Variants in HERC3 observed in about 807,000 individuals in gnomAD.
HERC3 encodes the protein HECT and RLD domain containing E3 ubiquitin protein ligase 3.
A neutral mutation model predicts 129.9 loss-of-function variants in HERC3; 58 were observed. The observed-to-expected ratio is 0.45, with a 90% CI of 0.36 to 0.56. HERC3 has a LOEUF of 0.56. HERC3 is among the 20% of genes least tolerant of loss of function. HERC3 has a pLI of 0.00. For synonymous variants in HERC3, 430 were observed against 451.0 expected (o/e 0.95, Z 0.59); for missense variants, 835 against 1,244.2 (o/e 0.67, Z 4.95).
the HERC3 span, chr4:88,583,963 C>T: frequency 6.6e-6 from 1 of 152,244 alleles, no homozygotes; most frequent in African/African-American, 2.4e-5. Flanking sequence ...AGCTACACTA[C>T]ATTGAATCCT....
chr4:88,617,282 A>T (rs1725013635), intron 3 of HERC3, among the ~76,000 whole-genome samples: 2 of 151,254 alleles, frequency 1.3e-5, no homozygotes, highest in Non-Finnish European at 1.5e-5. Context: ...TGGTACTGCT[A>T]GGAAGAGGGT....
chr4:88,654,569 T>C (rs1042538672), intron 7 of HERC3, among the ~76,000 whole-genome samples: 3 of 149,100 alleles, frequency 2.0e-5, no homozygotes, highest in South Asian at 2.1e-4. Flanking sequence ...ATATATAATA[T>C]ATATAAAATG....
chr4:88,667,405 A>C lies in HERC3; in HGVS notation c.1360A>C (p.Lys454Gln). ...KIDEHFKTSP[K>Q]IPGIDLNSTR... ...TGATGAACATTTTAAAACGAGTCCC[A>C]AAATCCCTGGGATTGACCTGAACTC... Residue 454 changes from lysine to glutamine, a missense_variant, in exon 13 of 26, where the codon AAA becomes CAA. Coordinates refer to ENST00000402738, the MANE Select transcript of HERC3 (RefSeq NM_014606.3). 1 of 1,603,660 alleles carries C rather than the reference A, an allele frequency of 6.2e-7. No homozygotes were observed. The highest frequency in any genetic ancestry group is 8.5e-7 in the Non-Finnish European group (1 of 1,174,866).
At chr4:88,638,278 G>A (rs1303880886) in intron 3 of HERC3, among the ~76,000 whole-genome samples, 3 of 150,550 alleles carry the variant, frequency 2.0e-5, no homozygotes, top group African/African-American at 7.4e-5. Flanking sequence ...ACCTGGCAGA[G>A]ACACAACAAA....
intron 23 of HERC3, chr4:88,690,328 T>G: frequency 1.0e-6 from 1 of 985,366 alleles, no homozygotes; most frequent in South Asian, 4.7e-5. Context: ...AAAGCAGATT[T>G]GTTAGCCCAG....
chr4:88,670,099 G>A, intron 15 of HERC3, 40 bp from the exon 16 acceptor site: 1 of 1,601,378 alleles, frequency 6.2e-7, no homozygotes, highest in Non-Finnish European at 8.6e-7. Flanking sequence ...TGTTCTCTGG[G>A]AAGCCATGTT....
intron 3 of HERC3, among the ~76,000 whole-genome samples, chr4:88,632,819 A>T (rs1726921717): frequency 6.6e-6 from 1 of 152,208 alleles, no homozygotes; most frequent in Admixed American, 6.5e-5. Context: ...GCCGGAGAGG[A>T]CAAAGGATGT....
intron 21 of HERC3, among the ~76,000 whole-genome samples, chr4:88,681,841 A>G (rs1419559030): frequency 6.6e-6 from 1 of 152,298 alleles, no homozygotes; most frequent in East Asian, 1.9e-4. Flanking sequence ...GAATTATTCT[A>G]TTTTGAAATA....
At chr4:88,689,870 T>A in intron 23 of HERC3, 1 of 443,012 alleles carries the variant, frequency 2.3e-6, no homozygotes, top group Non-Finnish European at 3.0e-6. Flanking sequence ...GAGCCACCGC[T>A]CCTGGCCCAT....
At chr4:88,561,925 T>G in the HERC3 span, among the ~76,000 whole-genome samples, 15 of 152,216 alleles carry the variant, frequency 9.9e-5, no homozygotes, top group Non-Finnish European at 2.2e-4. Flanking sequence ...TTCCAAATCT[T>G]AGTTATTGTG....
intron 3 of HERC3, among the ~76,000 whole-genome samples, chr4:88,634,859 A>T (rs1727196787): frequency 6.6e-6 from 1 of 152,122 alleles, no homozygotes; most frequent in Non-Finnish European, 1.5e-5. Flanking sequence ...TGCAGGAGTG[A>T]ACCAGATGAA....
At chr4:88,524,773 T>C in the HERC3 span, 3 of 152,200 alleles carry the variant, frequency 2.0e-5, no homozygotes, top group East Asian at 1.9e-4. Context: ...AGTTTTTCCA[T>C]GTCCGAAGAC....
the HERC3 span, among the ~76,000 whole-genome samples, chr4:88,568,129 GACAA>G: frequency 6.6e-6 from 1 of 152,206 alleles, no homozygotes; most frequent in Admixed American, 6.5e-5. Flanking sequence ...ACTTTCCCCA[GACAA>G]ACAGAGTCTC....
Position 88,627,170 on chromosome 4 carries a change from G to A in HERC3, c.226+21121G>A, listed in dbSNP as rs113652828. 6.4e-3 allele frequency among the ~76,000 whole-genome samples: 971 copies of A among 152,078 alleles called. 10 individuals carry two copies. The highest frequency in any genetic ancestry group is 0.022 in the African/African-American group (931 of 41,512). On this transcript the variant is annotated intron_variant, in intron 3 of 25. Transcript: ENST00000402738. ...TTGACACATGGGTTATGAGAAGTACGTAGTTTAATATCTAAATATGTGGCA... is the reference window on the plus strand; with the variant it reads ...TTGACACATGGGTTATGAGAAGTACATAGTTTAATATCTAAATATGTGGCA...
chr4:88,578,446 GA>G, the HERC3 span, among the ~76,000 whole-genome samples: 1 of 152,044 alleles, frequency 6.6e-6, no homozygotes, highest in African/African-American at 2.4e-5. Flanking sequence ...GCTGGGTGTG[GA>G]GGGGGGCGCC....
At chr4:88,610,358 G>A (rs984115629) in intron 3 of HERC3, among the ~76,000 whole-genome samples, 1 of 151,040 alleles carries the variant, frequency 6.6e-6, no homozygotes, top group Non-Finnish European at 1.5e-5. Context: ...GAGGCTAAGG[G>A]AGGAGAATTG....
chr4:88,608,459 C>T (rs749299972), intron 3 of HERC3, among the ~76,000 whole-genome samples: 3 of 152,190 alleles, frequency 2.0e-5, no homozygotes, highest in Non-Finnish European at 4.4e-5. Context: ...ATGTACAGTG[C>T]ACTCAATACT....
chr4:88,681,415 C>G lies in HERC3; in HGVS notation c.2507+90C>G, dbSNP rs574578294. On this transcript the variant is annotated intron_variant, in intron 21 of 25. Coordinates refer to ENST00000402738, the MANE Select transcript of HERC3 (RefSeq NM_014606.3). Reference sequence around the variant, plus strand: ...GGTTGAAAATACCATCTGTACAAATCTGAGTTTATTGCATCCTGTGGTTAG... The same window carrying G: ...GGTTGAAAATACCATCTGTACAAATGTGAGTTTATTGCATCCTGTGGTTAG... 1.1e-4 allele frequency: 126 copies of G among 1,149,258 alleles called. No homozygotes were observed. In the African/African-American group the frequency reaches 1.6e-3, roughly 14 times the overall value. 71.2% of individuals were successfully genotyped at this position (1,149,258 alleles called of 1,614,324 possible).
At chr4:88,692,663 A>G (rs1734196285) in intron 23 of HERC3, among the ~76,000 whole-genome samples, 1 of 152,238 alleles carries the variant, frequency 6.6e-6, no homozygotes, top group South Asian at 2.1e-4. Flanking sequence ...ACCATGCATC[A>G]GACACTATTT....
Sources: allele counts gnomAD v4.1 joint callset (sites outside exome capture counted in the v4.1 genomes callset), GRCh38; gene constraint gnomAD v4.1.1; transcripts MANE v1.5; gene names NCBI Gene and HGNC (gene_info 2026-07-23, HGNC 2026-07-21).